ELAVL2: variants seen among roughly 807,000 people sequenced by gnomAD.
ELAVL2 encodes ELAV like RNA binding protein 2, also known as ELAV-like protein 2.
In ELAVL2, 4 loss-of-function variants were observed where a neutral mutation model predicts 34.6. The observed-to-expected ratio is 0.12, with a 90% confidence interval of 0.06 to 0.26. The LOEUF (loss-of-function observed/expected upper bound fraction) is 0.26. ELAVL2 is among the 10% of genes least tolerant of loss of function. The pLI is 1.00. For missense variants in ELAVL2, 432 were observed against 442.8 expected, an observed-to-expected ratio of 0.98 and a Z score of 0.22; for synonymous variants, 193 against 154.8, an observed-to-expected ratio of 1.25 and a Z score of -1.83.
chr9:23,776,832 T>A (rs2058281924), intron 1 of ELAVL2, among the ~76,000 whole-genome samples: 1 of 152,112 alleles, frequency 6.6e-6, no homozygotes, highest in Non-Finnish European at 1.5e-5. Context: ...GACACGTATT[T>A]GAGAAGAAAT....
chr9:23,781,006 C>T (rs1044253092), intron 1 of ELAVL2, among the ~76,000 whole-genome samples: 2 of 152,174 alleles, frequency 1.3e-5, no homozygotes, highest in African/African-American at 4.8e-5. Context: ...AGTCCAAAGA[C>T]AATCACTGCT....
At chr9:23,700,918 T>C (rs1039159411) in intron 5 of ELAVL2, among the ~76,000 whole-genome samples, 1 of 151,992 alleles carries the variant, frequency 6.6e-6, no homozygotes, top group Non-Finnish European at 1.5e-5. Context: ...CTGGAAACAA[T>C]TCAGATAACC....
At chr9:23,775,495 C>G (rs1409228572) in intron 1 of ELAVL2, among the ~76,000 whole-genome samples, 3 of 152,188 alleles carry the variant, frequency 2.0e-5, no homozygotes, top group African/African-American at 7.2e-5. Flanking sequence ...AGTGCTGAGA[C>G]CCCATCTAGA....
chr9:23,790,731 A>G (rs1024976911), intron 1 of ELAVL2, among the ~76,000 whole-genome samples: 1 of 152,224 alleles, frequency 6.6e-6, no homozygotes, highest in Non-Finnish European at 1.5e-5. Flanking sequence ...TTTATGTTTT[A>G]TATATTACGG....
chr9:23,743,104 G>A (rs2049663799), intron 2 of ELAVL2, among the ~76,000 whole-genome samples: 1 of 152,176 alleles, frequency 6.6e-6, no homozygotes, highest in African/African-American at 2.4e-5. Flanking sequence ...GGTTAAAGTT[G>A]TAAAGGCTAT....
chr9:23,702,951 CAAAAAAAAAA>C (rs58828236), intron 4 of ELAVL2, among the ~76,000 whole-genome samples: 14 of 47,650 alleles, frequency 2.9e-4, no homozygotes, highest in Admixed American at 4.5e-4. Flanking sequence ...ATCAGATTAG[CAAAAAAAAAA>C]AAAAAAAAAA....
chr9:23,846,526 G>A, the ELAVL2 span, among the ~76,000 whole-genome samples: 1 of 151,880 alleles, frequency 6.6e-6, no homozygotes, highest in African/African-American at 2.4e-5. Context: ...TCCCTTTTAA[G>A]GAAAATTGGG....
At chr9:23,789,425 T>C (rs2060082006) in intron 1 of ELAVL2, among the ~76,000 whole-genome samples, 1 of 152,252 alleles carries the variant, frequency 6.6e-6, no homozygotes, top group Admixed American at 6.5e-5. Context: ...AATGCATATG[T>C]GTCCTCAACT....
At chr9:23,784,440 CA>C (rs2059443081) in intron 1 of ELAVL2, among the ~76,000 whole-genome samples, 1 of 152,128 alleles carries the variant, frequency 6.6e-6, no homozygotes, top group African/African-American at 2.4e-5. Flanking sequence ...AACATGACTA[CA>C]TATATGTAAT....
At chr9:23,844,765 C>T in the ELAVL2 span, among the ~76,000 whole-genome samples, 4 of 151,978 alleles carry the variant, frequency 2.6e-5, no homozygotes, top group Non-Finnish European at 2.9e-5. Context: ...GTCTGTCAAG[C>T]GAGGCGGTAT....
At chr9:23,818,322 C>A (rs1283492610) in intron 1 of ELAVL2, among the ~76,000 whole-genome samples, 1 of 152,168 alleles carries the variant, frequency 6.6e-6, no homozygotes, top group Non-Finnish European at 1.5e-5. Context: ...GGAAAAGCTA[C>A]GTAATCTGTG....
At chr9:23,772,441 A>T (rs1279426059) in intron 1 of ELAVL2, among the ~76,000 whole-genome samples, 3 of 151,120 alleles carry the variant, frequency 2.0e-5, no homozygotes, top group Non-Finnish European at 2.9e-5. Context: ...CCTCCTGGCC[A>T]GTGAGGTTAA....
chr9:23,706,397 C>T lies in ELAVL2; in HGVS notation c.334-1326G>A, dbSNP rs575733713. On this transcript the variant is annotated intron_variant, in intron 3 of 6. Coordinates refer to ENST00000397312, the MANE Select transcript of ELAVL2 (RefSeq NM_004432.5). ...GGTGAGTAAAGCCCATCCAATAATA[C>T]CCCATTGATCATGCAGATCCACAAC... Among the ~76,000 whole-genome samples the T allele has an allele frequency of 3.9e-5, 6 of 152,220 alleles. No homozygotes were observed. In the East Asian group the frequency reaches 9.7e-4, roughly 24 times the overall value.
chr9:23,841,777 C>G, the ELAVL2 span, among the ~76,000 whole-genome samples: 5 of 151,884 alleles, frequency 3.3e-5, no homozygotes, highest in Non-Finnish European at 7.4e-5. Context: ...TATTGTAAAG[C>G]TAAAAGAAAA....
Position 23,759,757 on chromosome 9 carries a change from TA to T in ELAVL2, c.229+2248del, listed in dbSNP as rs1564324009. On this transcript the variant is annotated intron_variant, in intron 2 of 6. Transcript: ENST00000397312. ...TGTGTATACATCATATATAGTATTA[TA>T]TATATATATATATATATATATATAT... Among the ~76,000 whole-genome samples, 263 of 62,584 alleles carry T rather than the reference TA, an allele frequency of 4.2e-3. 3 individuals are homozygous for T. The highest frequency in any genetic ancestry group is 0.011 in the South Asian group (21 of 1,902). The allele number at this position is 62,584 out of a possible 152,430, so 41.1% of individuals were successfully genotyped here. A position where few individuals can be genotyped will look rare whatever the true frequency, so the allele number is the denominator to read the frequency against.
intron 2 of ELAVL2, among the ~76,000 whole-genome samples, chr9:23,752,396 A>T (rs999835765): frequency 2.9e-4 from 44 of 152,136 alleles, no homozygotes; most frequent in South Asian, 2.1e-4. Context: ...CAAGAACTTG[A>T]TCCCAAACTA....
intron 1 of ELAVL2, among the ~76,000 whole-genome samples, chr9:23,782,734 T>A (rs1032937395): frequency 1.3e-5 from 2 of 152,240 alleles, no homozygotes; most frequent in Non-Finnish European, 2.9e-5. Flanking sequence ...GCTCAAATAC[T>A]TCTTGGTATA....
intron 1 of ELAVL2, among the ~76,000 whole-genome samples, chr9:23,816,271 TAA>T (rs560260489): frequency 1.8e-3 from 137 of 76,820 alleles, no homozygotes; most frequent in African/African-American, 6.7e-3. Context: ...CCTAGTCCCA[TAA>T]AGAGATGAAA....
intron 1 of ELAVL2, among the ~76,000 whole-genome samples, chr9:23,806,251 C>T (rs1189967804): frequency 1.3e-5 from 2 of 151,968 alleles, no homozygotes; most frequent in East Asian, 1.9e-4. Flanking sequence ...GCCGAATACA[C>T]AATTAAAAGA....
Sources: allele counts gnomAD v4.1 joint callset (sites outside exome capture counted in the v4.1 genomes callset), GRCh38; gene constraint gnomAD v4.1.1; transcripts MANE v1.5; gene names NCBI Gene and HGNC (gene_info 2026-07-23, HGNC 2026-07-21).